The following ERC2 variants were observed in gnomAD, a reference collection of about 807,000 sequenced individuals.
The protein encoded by ERC2 is ERC protein 2.
Under a neutral mutation model 114.8 loss-of-function variants are expected in ERC2, and 42 were observed. The observed-to-expected ratio is 0.37, with a 90% CI of 0.29 to 0.47. ERC2 has a LOEUF of 0.47. ERC2 is among the 20% of genes least tolerant of loss of function. The pLI is 0.99. For missense variants in ERC2, 939 were observed against 1,150.7 expected (o/e 0.82, Z 2.66); for synonymous variants, 454 against 425.5 (o/e 1.07, Z -0.82).
intron 11 of ERC2, among the ~76,000 whole-genome samples, chr3:55,990,206 C>A (rs954740617): frequency 2.0e-5 from 3 of 151,974 alleles, no homozygotes; most frequent in Non-Finnish European, 4.4e-5. Context: ...AAAACAAAGC[C>A]CTTTAAGGAT....
intron 2 of ERC2, among the ~76,000 whole-genome samples, chr3:56,354,495 CTT>C (rs1256020121): frequency 6.6e-6 from 1 of 152,146 alleles, no homozygotes; most frequent in Non-Finnish European, 1.5e-5. Context: ...CGCTAGACCT[CTT>C]ACAATGCACA....
intron 3 of ERC2, among the ~76,000 whole-genome samples, chr3:56,199,382 G>A (rs535056910): frequency 6.6e-6 from 1 of 152,038 alleles, no homozygotes; most frequent in Non-Finnish European, 1.5e-5. Context: ...AAAACTGACA[G>A]GTAAGTGTTC....
intron 7 of ERC2, among the ~76,000 whole-genome samples, chr3:56,061,226 C>T (rs2076230382): frequency 1.3e-5 from 2 of 152,310 alleles, no homozygotes; most frequent in South Asian, 4.1e-4. Flanking sequence ...GATGTCTGAG[C>T]AAATTAGTGC....
intron 6 of ERC2, among the ~76,000 whole-genome samples, chr3:56,121,890 A>G (rs2079600740): frequency 1.3e-5 from 2 of 152,200 alleles, no homozygotes; most frequent in South Asian, 4.1e-4. Context: ...AAAACAAAGC[A>G]AATTGCTGCC....
intron 14 of ERC2, among the ~76,000 whole-genome samples, chr3:55,784,390 G>A (rs1182226511): frequency 6.6e-6 from 1 of 152,128 alleles, no homozygotes; most frequent in African/African-American, 2.4e-5. Flanking sequence ...AGTTTCTATA[G>A]GACTTATCAA....
At chr3:55,754,137 T>C (rs2066898882) in intron 14 of ERC2, among the ~76,000 whole-genome samples, 1 of 152,118 alleles carries the variant, frequency 6.6e-6, no homozygotes, top group Non-Finnish European at 1.5e-5. Flanking sequence ...GGCTACAAGA[T>C]AAATATGTTC....
At chr3:55,696,618 A>G (rs572456134) in intron 16 of ERC2, among the ~76,000 whole-genome samples, 1 of 152,328 alleles carries the variant, frequency 6.6e-6, no homozygotes, top group Non-Finnish European at 1.5e-5. Flanking sequence ...AGGGTTTGTA[A>G]TCAATTGGGA....
chr3:56,249,101 T>C (rs1350066528), intron 3 of ERC2, among the ~76,000 whole-genome samples: 3 of 152,362 alleles, frequency 2.0e-5, no homozygotes, highest in African/African-American at 7.2e-5. Context: ...TCTTGGTGTC[T>C]AGAGCTGAGA....
intron 2 of ERC2, among the ~76,000 whole-genome samples, chr3:56,306,726 T>A (rs965186647): frequency 1.3e-5 from 2 of 152,202 alleles, no homozygotes; most frequent in African/African-American, 4.8e-5. Context: ...TCTCCTTGGA[T>A]GAACCTGTGG....
intron 14 of ERC2, among the ~76,000 whole-genome samples, chr3:55,779,417 C>A (rs1418910838): frequency 6.6e-6 from 1 of 150,574 alleles, no homozygotes; most frequent in Non-Finnish European, 1.5e-5. Flanking sequence ...GGGAGAATCA[C>A]TTAAATCCAG....
At chr3:55,801,931 T>C (rs1033214029) in intron 14 of ERC2, among the ~76,000 whole-genome samples, 1 of 152,340 alleles carries the variant, frequency 6.6e-6, no homozygotes, top group African/African-American at 2.4e-5. Flanking sequence ...ATCCAGTGGG[T>C]CTGGGGCAAG....
intron 15 of ERC2, among the ~76,000 whole-genome samples, chr3:55,727,054 C>T (rs80079980): frequency 0.033 from 5,038 of 152,230 alleles, 268 homozygotes; most frequent in African/African-American, 0.11. Flanking sequence ...TTTGAGAATA[C>T]GGCTTACGGG....
At chr3:55,726,879 A>C (rs752959455) in intron 15 of ERC2, among the ~76,000 whole-genome samples, 1 of 152,206 alleles carries the variant, frequency 6.6e-6, no homozygotes, top group South Asian at 2.1e-4. Context: ...TAGGAAAAGG[A>C]AAAGAAAACC....
intron 6 of ERC2, among the ~76,000 whole-genome samples, chr3:56,124,519 A>G (rs1378640915): frequency 2.0e-5 from 3 of 152,088 alleles, no homozygotes; most frequent in Non-Finnish European, 4.4e-5. Context: ...AAATTCCCAA[A>G]CCTTGTAAAG....
chr3:55,558,265 A>T (rs1463433986), intron 17 of ERC2, among the ~76,000 whole-genome samples: 1 of 152,212 alleles, frequency 6.6e-6, no homozygotes, highest in Non-Finnish European at 1.5e-5. Flanking sequence ...CACCTCTAGC[A>T]CTTAGTATCC....
intron 14 of ERC2, among the ~76,000 whole-genome samples, chr3:55,864,219 ACACATATATATG>A (rs1207400426): frequency 1.3e-4 from 18 of 143,746 alleles, no homozygotes; most frequent in African/African-American, 3.6e-4. Context: ...ACACATATAT[ACACATATATATG>A]TGTGTGTGTG....
chr3:55,766,957 C>G (rs2067838964), intron 14 of ERC2, among the ~76,000 whole-genome samples: 1 of 152,188 alleles, frequency 6.6e-6, no homozygotes, highest in Non-Finnish European at 1.5e-5. Flanking sequence ...TTCTTCCTGC[C>G]ACCTGTGTTT....
chr3:55,832,198 C>T lies in ERC2; in HGVS notation c.2564+56191G>A, dbSNP rs547099731. On this transcript the variant is annotated intron_variant, in intron 14 of 17. Transcript: ENST00000288221. ...GGCAGGGCACGGACAAACAAAAAGA[C>T]AGCAGTAACCTCTGCAGACTTAAAT... Among the ~76,000 whole-genome samples, 487 of 152,352 alleles carry T rather than the reference C, an allele frequency of 3.2e-3. 2 individuals carry two copies. Among genetic ancestry groups the T allele is most frequent in the African/African-American group, 0.011 (465 of 41,588 alleles).
At chr3:56,354,456 GGCATCTA>G (rs925544525) in intron 2 of ERC2, among the ~76,000 whole-genome samples, 10 of 152,122 alleles carry the variant, frequency 6.6e-5, no homozygotes, top group Non-Finnish European at 1.0e-4. Context: ...GGGTGCTAAT[GGCATCTA>G]GTAGGTAGAG....
Sources: gnomAD v4.1 joint callset for allele counts (sites outside exome capture counted in the v4.1 genomes callset) on GRCh38, gnomAD v4.1.1 for gene constraint, MANE v1.5 for transcripts, NCBI Gene and HGNC (gene_info 2026-07-23, HGNC 2026-07-21) for gene names.